FUT8: variants seen among roughly 807,000 people sequenced by gnomAD.
The protein encoded by FUT8 is alpha-(1,6)-fucosyltransferase.
Under a neutral mutation model 71.3 loss-of-function variants are expected in FUT8, and 29 were observed. The observed-to-expected ratio is 0.41, with a 90% CI of 0.30 to 0.55. FUT8 has a LOEUF of 0.55. Ranked by LOEUF, FUT8 falls within the 20% of genes least tolerant of loss-of-function variation. The pLI is 0.34. For missense variants in FUT8, 544 were observed against 702.1 expected, an observed-to-expected ratio of 0.77 and a Z score of 2.55; for synonymous variants, 254 against 239.3, an observed-to-expected ratio of 1.06 and a Z score of -0.57.
intron 2 of FUT8, among the ~76,000 whole-genome samples, chr14:65,541,201 A>G (rs904392774): frequency 9.2e-5 from 14 of 152,200 alleles, no homozygotes; most frequent in Non-Finnish European, 1.6e-4. Flanking sequence ...ACAAATGTTG[A>G]TATTCTTTTA....
rs117892822 is a variant in FUT8, at chr14:65,458,687, T to C, written c.-228+2969T>C. ...TTTCTGAACATTTTTAGATGAATTATGTAATTTTCATAGTATCTCTGTAGA... is the reference window on the plus strand; with the variant it reads ...TTTCTGAACATTTTTAGATGAATTACGTAATTTTCATAGTATCTCTGTAGA... On this transcript the variant is annotated intron_variant, in intron 2 of 10. Transcript: ENST00000673929. Among the ~76,000 whole-genome samples, 489 of 152,306 alleles carry C rather than the reference T, an allele frequency of 3.2e-3. 4 individuals carry two copies. In the East Asian group the frequency reaches 0.035, roughly 11 times the overall value.
intron 6 of FUT8, among the ~76,000 whole-genome samples, chr14:65,642,254 A>G (rs2140300076): frequency 6.6e-6 from 1 of 152,256 alleles, no homozygotes; most frequent in Admixed American, 6.5e-5. Context: ...TTGGTCTAGA[A>G]TCATTTTTTC....
chr14:65,536,995 C>A (rs1372265507), intron 2 of FUT8, among the ~76,000 whole-genome samples: 1 of 114,740 alleles, frequency 8.7e-6, no homozygotes, highest in Non-Finnish European at 1.8e-5. Flanking sequence ...TGCTGACTGT[C>A]TTATTTCAGA....
chr14:65,671,576 C>T (rs1892481946), intron 7 of FUT8, among the ~76,000 whole-genome samples: 1 of 152,152 alleles, frequency 6.6e-6, no homozygotes, highest in Non-Finnish European at 1.5e-5. Context: ...ATGCCAAACA[C>T]TTTACCTCGT....
chr14:65,532,134 C>T (rs1436133617), intron 2 of FUT8, among the ~76,000 whole-genome samples: 2 of 152,158 alleles, frequency 1.3e-5, no homozygotes, highest in African/African-American at 4.8e-5. Context: ...TGGTTATATA[C>T]CCAGTAATGG....
chr14:65,404,320 C>T, the FUT8 span, among the ~76,000 whole-genome samples: 2 of 151,160 alleles, frequency 1.3e-5, no homozygotes, highest in Non-Finnish European at 2.9e-5. Flanking sequence ...TACAGGCGCC[C>T]ACCATAGCGC....
rs1389270499 is a variant in FUT8, at chr14:65,643,843, G to A, written c.597+14237G>A. ...CTTAAATTCAAATTTCTTTAATTTA[G>A]GTATATCAGCCCAATATGTACTTGT... On this transcript the variant is annotated intron_variant, in intron 6 of 10. Transcript: ENST00000673929. The surrounding 1 kb of genome is among the most constrained non-coding windows in gnomAD (Gnocchi z 4.5). 8.6e-5 allele frequency among the ~76,000 whole-genome samples: 13 copies of A among 151,850 alleles called. No individual in the cohort carries two copies.
intron 6 of FUT8, among the ~76,000 whole-genome samples, chr14:65,650,156 G>A (rs570365817): frequency 1.3e-4 from 19 of 151,914 alleles, no homozygotes; most frequent in East Asian, 5.8e-4. Context: ...AAAATTAGCC[G>A]GGCGTGGTGG....
chr14:65,474,731 A>G (rs571016937), intron 2 of FUT8, among the ~76,000 whole-genome samples: 148 of 152,336 alleles, frequency 9.7e-4, no homozygotes, highest in Non-Finnish European at 1.8e-3. Flanking sequence ...ATTGAAAAAT[A>G]ACCATCTTTC....
intron 7 of FUT8, among the ~76,000 whole-genome samples, chr14:65,674,157 T>C (rs1237849743): frequency 2.0e-5 from 3 of 152,286 alleles, no homozygotes; most frequent in African/African-American, 7.2e-5. Context: ...ATGTTAAGTC[T>C]TTTTACAGTA....
the FUT8 span, among the ~76,000 whole-genome samples, chr14:65,383,179 C>T: frequency 2.0e-5 from 3 of 151,730 alleles, no homozygotes; most frequent in Non-Finnish European, 2.9e-5. Context: ...CCATCTTTCA[C>T]ATGCTAGTAG....
chr14:65,741,494 C>A (rs1440047283), intron 10 of FUT8, among the ~76,000 whole-genome samples: 1 of 151,814 alleles, frequency 6.6e-6, no homozygotes, highest in Non-Finnish European at 1.5e-5. Context: ...TGCAGCACAC[C>A]AACATGGCAC....
intron 3 of FUT8, among the ~76,000 whole-genome samples, chr14:65,581,736 A>G (rs1887105418): frequency 6.6e-6 from 1 of 152,016 alleles, no homozygotes; most frequent in Non-Finnish European, 1.5e-5. Context: ...TCCATGTATG[A>G]TACGTGAGTT....
intron 2 of FUT8, among the ~76,000 whole-genome samples, chr14:65,487,411 A>T (rs1473138084): frequency 6.6e-6 from 1 of 151,974 alleles, no homozygotes; most frequent in Non-Finnish European, 1.5e-5. Context: ...AAAAATACAA[A>T]AATTAGCCAG....
At chr14:65,493,755 C>T (rs992467787) in intron 2 of FUT8, among the ~76,000 whole-genome samples, 2 of 151,750 alleles carry the variant, frequency 1.3e-5, no homozygotes, top group East Asian at 3.9e-4. Flanking sequence ...CATGTATTGT[C>T]TCTTAGGGAT....
chr14:65,496,156 AAGAC>A (rs1440533020), intron 2 of FUT8, among the ~76,000 whole-genome samples: 1 of 152,158 alleles, frequency 6.6e-6, no homozygotes, highest in Non-Finnish European at 1.5e-5. Context: ...GGAGAACCAT[AAGAC>A]TGAGTTTGTA....
intron 6 of FUT8, among the ~76,000 whole-genome samples, chr14:65,667,368 A>G (rs930165544): frequency 6.6e-6 from 1 of 152,182 alleles, no homozygotes; most frequent in Non-Finnish European, 1.5e-5. Context: ...TAGCATTTCT[A>G]TACATCAGTA....
Position 65,721,977 on chromosome 14 carries a change from A to C in FUT8, c.1038A>C (p.Ile346=), listed in dbSNP as rs189122599. Residue 346 remains isoleucine (I), a synonymous_variant, in exon 8 of 11, where the codon ATA becomes ATC. Transcript: ENST00000673929. ...CACAGCCTTGGCTAGAAAAAGAAAT[A>C]GAAGAAGCCACCAAGAAGCTTGGCT... ...IRPQPWLEKE[I]EEATKKLGFK... 7.3e-5 allele frequency: 118 copies of C among 1,614,250 alleles called. No individual in the cohort carries two copies. In the Admixed American group the frequency reaches 1.9e-3, roughly 26 times the overall value.
intron 5 of FUT8, chr14:65,617,005 G>T: frequency 6.9e-7 from 1 of 1,446,654 alleles, no homozygotes; most frequent in Non-Finnish European, 9.2e-7. Flanking sequence ...TATTCATGCA[G>T]AACAAAATGT....
Sources: allele counts gnomAD v4.1 joint callset (sites outside exome capture counted in the v4.1 genomes callset), GRCh38; gene constraint gnomAD v4.1.1; non-coding constraint Gnocchi (gnomAD v3.1); transcripts MANE v1.5; gene names NCBI Gene and HGNC (gene_info 2026-07-23, HGNC 2026-07-21).